Variants in LDLRAD4 observed in about 807,000 individuals in gnomAD.
LDLRAD4 encodes low-density lipoprotein receptor class A domain-containing protein 4.
In LDLRAD4, 5 loss-of-function variants were observed where a neutral mutation model predicts 17.0. The ratio of observed to expected loss-of-function variants is 0.29; its 90% CI spans 0.15 to 0.62. LDLRAD4 has a LOEUF of 0.62. LDLRAD4 is among the 20% of genes least tolerant of loss of function. The probability of loss-of-function intolerance (pLI) is 0.84; values close to 1 mark genes in which losing one functional copy is unlikely to be tolerated. For missense variants in LDLRAD4, 340 were observed against 424.7 expected, an observed-to-expected ratio of 0.80 and a Z score of 1.75; for synonymous variants, 168 against 171.8, an observed-to-expected ratio of 0.98 and a Z score of 0.17.
In LDLRAD4 at chr18:13,398,634, CCTCT is replaced by C. The variant is rs2086899720; in HGVS notation, c.40+10873_40+10876del. Among the ~76,000 whole-genome samples the C allele has an allele frequency of 1.3e-5, 2 of 152,002 alleles. No homozygotes were observed. The highest frequency in any genetic ancestry group is 4.8e-5 in the African/African-American group (2 of 41,374). On this transcript the variant is annotated intron_variant, in intron 2 of 5. Transcript: ENST00000359446. This position sits in a 1 kb window ranked among gnomAD's most constrained non-coding sequence, Gnocchi z 4.8. ...TTTCGAAGGAGATGGGCGGCCCCTCCCTCTAACAACTTGATATGTAGTGATCAAT... is the reference window on the plus strand; with the variant it reads ...TTTCGAAGGAGATGGGCGGCCCCTCCAACAACTTGATATGTAGTGATCAAT...
intron 1 of LDLRAD4, among the ~76,000 whole-genome samples, chr18:13,243,722 C>T (rs536503926): frequency 9.2e-5 from 14 of 151,484 alleles, no homozygotes; most frequent in Admixed American, 8.5e-4. Context: ...ACCCATCCAC[C>T]CACCCAGCGA....
intron 3 of LDLRAD4, among the ~76,000 whole-genome samples, chr18:13,588,079 A>G (rs1467923421): frequency 1.3e-5 from 2 of 151,996 alleles, no homozygotes; most frequent in East Asian, 3.8e-4. Flanking sequence ...GATTATTCAT[A>G]TCGGGAAAAA....
intron 4 of LDLRAD4, among the ~76,000 whole-genome samples, chr18:13,625,685 C>T (rs574880465): frequency 1.3e-5 from 2 of 150,638 alleles, no homozygotes; most frequent in Admixed American, 6.6e-5. Flanking sequence ...CCGCAGCCGG[C>T]GCCCTCCTCC....
chr18:13,534,551 A>G (rs57942993), intron 3 of LDLRAD4, among the ~76,000 whole-genome samples: 13,204 of 152,098 alleles, frequency 0.087, 583 homozygotes, highest in East Asian at 0.15. Context: ...GTTGCTAAAA[A>G]GAAAAAAAAA....
chr18:13,230,053 G>A (rs2041996377), intron 1 of LDLRAD4, among the ~76,000 whole-genome samples: 1 of 152,196 alleles, frequency 6.6e-6, no homozygotes, highest in Non-Finnish European at 1.5e-5. Context: ...GAGCGATGGG[G>A]CTTCTAGGAG....
intron 1 of LDLRAD4, among the ~76,000 whole-genome samples, chr18:13,326,825 A>G (rs552535814): frequency 2.0e-5 from 3 of 151,858 alleles, no homozygotes; most frequent in African/African-American, 4.8e-5. Context: ...CTGGAGTGCA[A>G]TGGCACGATC....
At chr18:13,406,845 G>C (rs1380735957) in intron 2 of LDLRAD4, among the ~76,000 whole-genome samples, 3 of 152,198 alleles carry the variant, frequency 2.0e-5, no homozygotes, top group Non-Finnish European at 4.4e-5. Context: ...GCCTGTCCCT[G>C]AGTAGAAATG....
chr18:13,439,727 G>A (rs2090904679), intron 3 of LDLRAD4, among the ~76,000 whole-genome samples: 1 of 152,220 alleles, frequency 6.6e-6, no homozygotes, highest in Non-Finnish European at 1.5e-5. Flanking sequence ...GGTGCAGGAA[G>A]AGGGAGGAAG....
chr18:13,447,117 G>C (rs2091460684), intron 3 of LDLRAD4, among the ~76,000 whole-genome samples: 1 of 151,698 alleles, frequency 6.6e-6, no homozygotes, highest in East Asian at 2.0e-4. Context: ...CTTTGGACAG[G>C]GCTCCCCGCC....
chr18:13,491,551 TTCTG>T (rs1484138711), intron 3 of LDLRAD4: 11 of 152,250 alleles, frequency 7.2e-5, no homozygotes, highest in African/African-American at 2.2e-4. Flanking sequence ...TGAATCTAGT[TTCTG>T]TCTGTTTCCT....
intron 3 of LDLRAD4, among the ~76,000 whole-genome samples, chr18:13,475,605 G>A (rs1009396830): frequency 2.0e-5 from 3 of 152,064 alleles, no homozygotes; most frequent in African/African-American, 7.2e-5. Context: ...CCAATGTCCT[G>A]GGTGTCTTTG....
At chr18:13,270,569 G>T (rs2146108925) in intron 1 of LDLRAD4, among the ~76,000 whole-genome samples, 2 of 152,318 alleles carry the variant, frequency 1.3e-5, no homozygotes, top group South Asian at 4.1e-4. Context: ...TTATTTCAGA[G>T]TACTGGATCC....
intron 2 of LDLRAD4, among the ~76,000 whole-genome samples, chr18:13,388,808 T>C (rs2086034956): frequency 6.6e-6 from 1 of 152,222 alleles, no homozygotes. Flanking sequence ...GGACGGGTCT[T>C]CCCAACCTCG....
chr18:13,236,158 T>A (rs1282857205), intron 1 of LDLRAD4, among the ~76,000 whole-genome samples: 2 of 152,180 alleles, frequency 1.3e-5, no homozygotes, highest in Non-Finnish European at 2.9e-5. Flanking sequence ...AGAGAGTGGT[T>A]CCATCTGGCA....
At chr18:13,618,006 G>T (rs1175930621) in intron 3 of LDLRAD4, among the ~76,000 whole-genome samples, 2 of 152,172 alleles carry the variant, frequency 1.3e-5, no homozygotes. Flanking sequence ...ACTGACAAAC[G>T]TGTGCCAGCC....
intron 2 of LDLRAD4, among the ~76,000 whole-genome samples, chr18:13,397,944 C>T (rs533576439): frequency 3.9e-5 from 6 of 152,360 alleles, no homozygotes; most frequent in African/African-American, 7.2e-5. Context: ...TTGTCTGCCA[C>T]GGCAGGTGCT....
chr18:13,391,965 C>T (rs889366341), intron 2 of LDLRAD4, among the ~76,000 whole-genome samples: 1 of 152,166 alleles, frequency 6.6e-6, no homozygotes, highest in African/African-American at 2.4e-5. Flanking sequence ...CGGTTTTCAC[C>T]CTTATGAATA....
chr18:13,391,865 A>G (rs1353571007), intron 2 of LDLRAD4, among the ~76,000 whole-genome samples: 2 of 152,212 alleles, frequency 1.3e-5, no homozygotes, highest in Non-Finnish European at 2.9e-5. Flanking sequence ...TTTCTTATAA[A>G]TACGATTTTA....
At chr18:13,560,623 T>C (rs1409416882) in intron 3 of LDLRAD4, among the ~76,000 whole-genome samples, 1 of 152,222 alleles carries the variant, frequency 6.6e-6, no homozygotes, top group African/African-American at 2.4e-5. Context: ...TCATCCATGA[T>C]TTTTGACTTT....
Sources: gnomAD v4.1 joint callset for allele counts (sites outside exome capture counted in the v4.1 genomes callset) on GRCh38, gnomAD v4.1.1 for gene constraint, Gnocchi (gnomAD v3.1) non-coding constraint, MANE v1.5 for transcripts, NCBI Gene and HGNC (gene_info 2026-07-23, HGNC 2026-07-21) for gene names.